GRID2IP: variants seen among roughly 807,000 people sequenced by gnomAD.
GRID2IP encodes Grid2 interacting protein, also known as delphilin.
Under a neutral mutation model 114.3 loss-of-function variants are expected in GRID2IP, and 78 were observed. The ratio of observed to expected loss-of-function variants is 0.68; its 90% CI spans 0.57 to 0.82. The LOEUF (loss-of-function observed/expected upper bound fraction) is 0.82, where lower values mean the gene tolerates loss of function less well. Among genes scored for constraint, GRID2IP ranks in the 40% least tolerant of loss-of-function variants. GRID2IP has a pLI of 0.00. For synonymous variants in GRID2IP, 809 were observed against 724.0 expected, an observed-to-expected ratio of 1.12 and a Z score of -1.89; for missense variants, 1,727 against 1,678.5, an observed-to-expected ratio of 1.03 and a Z score of -0.51.
In GRID2IP at chr7:6,534,191, A is replaced by AG. The variant is rs2115090711; in HGVS notation, c.584+5526dup. Among the ~76,000 whole-genome samples, 1 of 152,296 alleles carries AG rather than the reference A, an allele frequency of 6.6e-6. No homozygotes were observed. The highest frequency in any genetic ancestry group is 6.5e-5 in the Admixed American group (1 of 15,280). ...TGAACCTGCCTGAGATTGCACTGCC[A>AG]GTGAGTGGACCTGTATTCAAGCCGG... is the stretch of plus-strand genomic sequence containing the variant. On this transcript the variant is annotated intron_variant, in intron 2 of 21. Coordinates refer to ENST00000457091, the MANE Select transcript of GRID2IP (RefSeq NM_001145118.2). The surrounding 1 kb of genome is among the most constrained non-coding windows in gnomAD (Gnocchi z 4.5).
chr7:6,539,389 AGCAC>A (rs1228874236), intron 2 of GRID2IP, among the ~76,000 whole-genome samples: 6 of 151,994 alleles, frequency 3.9e-5, no homozygotes. Context: ...AGCCTCCCAA[AGCAC>A]GTGGATTACA....
At chr7:6,546,258 G>A (rs1464620055) in intron 1 of GRID2IP, among the ~76,000 whole-genome samples, 2 of 150,808 alleles carry the variant, frequency 1.3e-5, no homozygotes, top group Admixed American at 6.6e-5. Flanking sequence ...AGGAGTTTGC[G>A]ACTAGCTTGA....
Position 6,521,895 on chromosome 7 carries a change from C to G in GRID2IP, c.982G>C (p.Asp328His). 6.4e-7 allele frequency: 1 copy of G among 1,550,654 alleles called. No homozygotes were observed. Among genetic ancestry groups the G allele is most frequent in the Non-Finnish European group, 8.7e-7 (1 of 1,146,074 alleles). ...TCCCCAATAGCCTCTGACCTCATGT[C>G]CAGTCCATTGAGGAAGAGGATCCGG... is the stretch of plus-strand genomic sequence containing the variant. ...GDRILFLNGL[D>H]MRNCSHDKVV... The change falls in exon 5 of 22, where the codon GAC becomes CAC. Residue 328 changes from aspartate (D) to histidine (H), a missense_variant. Physicochemically the swap from Asp to His is moderately conservative, Grantham distance 81 (BLOSUM62 -1). Coordinates refer to ENST00000457091, the MANE Select transcript of GRID2IP (RefSeq NM_001145118.2). This position sits in a 1 kb window ranked among gnomAD's most constrained non-coding sequence, Gnocchi z 4.1.
At chr7:6,539,896 G>T in intron 1 of GRID2IP, 24 bp from the exon 2 acceptor site, 1 of 1,543,654 alleles carries the variant, frequency 6.5e-7, no homozygotes, top group South Asian at 1.2e-5. Context: ...TCCTGTGAAT[G>T]ACCAAAAGGG....
Position 6,506,374 on chromosome 7 carries a change from G to A in GRID2IP, c.2545-467C>T, listed in dbSNP as rs1344706200. Among the ~76,000 whole-genome samples the A allele has an allele frequency of 4.6e-5, 7 of 152,202 alleles. No homozygotes were observed. The highest frequency in any genetic ancestry group is 7.3e-5 in the Non-Finnish European group (5 of 68,040). The stretch of plus-strand genomic sequence containing the variant: ...CGCTGGACACGTGGCTGTGATGAAT[G>A]GCATAGATGAGAGGTAACAGCCTGG... On this transcript the variant is annotated intron_variant, in intron 13 of 21. Coordinates refer to ENST00000457091, the MANE Select transcript of GRID2IP (RefSeq NM_001145118.2). The surrounding 1 kb of genome is among the most constrained non-coding windows in gnomAD (Gnocchi z 5.2).
chr7:6,540,019 C>CCCTT (rs774009810), intron 1 of GRID2IP, 147 bp from the exon 2 acceptor site: 5 of 570,644 alleles, frequency 8.8e-6, no homozygotes, highest in Non-Finnish European at 1.5e-5. Flanking sequence ...CATATCATGC[C>CCCTT]CCTTCCTTCC....
chr7:6,512,864 C>G (rs1262942631), intron 8 of GRID2IP, among the ~76,000 whole-genome samples: 1 of 150,762 alleles, frequency 6.6e-6, no homozygotes, highest in Admixed American at 6.6e-5. Flanking sequence ...GTTGTGTTGC[C>G]CAAGCTGGAC....
At position 6,510,612 on chromosome 7, in the gene GRID2IP, C is replaced by G. The variant is rs755984441; in HGVS notation, c.1650G>C (p.Lys550Asn). The change falls in exon 10 of 22, where the codon AAG (lysine) becomes AAC (asparagine). Residue 550 changes from lysine (K) to asparagine (N), a missense_variant. Lys to Asn is a moderately conservative substitution (Grantham distance 94). Coordinates refer to ENST00000457091, the MANE Select transcript of GRID2IP (RefSeq NM_001145118.2). ...TGGAGGGCAGAGAAGGTCTCACCAT[C>G]TTGGGGTTGGGGGTCTCAGGGAGGG... ...GTSLPETPNPKMMSAVYAELE... is the reference protein window; with the variant it reads ...GTSLPETPNPNMMSAVYAELE... The G allele has an allele frequency of 2.6e-6, 4 of 1,535,404 alleles. No individual in the cohort carries two copies. The highest frequency in any genetic ancestry group is 2.4e-5 in the South Asian group (2 of 82,238).
Position 6,498,103 on chromosome 7 carries a change from A to C in GRID2IP, c.3525T>G (p.Ala1175=), listed in dbSNP as rs1383393224. The C allele has an allele frequency of 6.4e-7, 1 of 1,551,666 alleles. No homozygotes were observed. The highest frequency in any genetic ancestry group is 8.7e-7 in the Non-Finnish European group (1 of 1,146,954). The part of the protein sequence containing the change: ...GEDSKATTSE[A]FFGIFAEFMS... ...TGAACTCTGCAAAGATGCCGAAGAA[A>C]GCCTCAGAGGTGGTGGCCTTGGAAT... The change falls in exon 21 of 22, where the codon GCT becomes GCG. Residue 1175 remains alanine, a synonymous_variant. Transcript: ENST00000457091.
In GRID2IP at chr7:6,528,761, T is replaced by C. The variant is rs1317707440; in HGVS notation, c.585-1992A>G. ...GTGTGGATTCTCAGGGAGGAGGCTC[T>C]GTCCCCGCAGTGAGCTCCGCTCCAG... On this transcript the variant is annotated intron_variant, in intron 2 of 21. Coordinates refer to ENST00000457091, the MANE Select transcript of GRID2IP (RefSeq NM_001145118.2). This position sits in a 1 kb window ranked among gnomAD's most constrained non-coding sequence, Gnocchi z 6.0. Among the ~76,000 whole-genome samples, 2 of 151,830 alleles carry C rather than the reference T, an allele frequency of 1.3e-5. No homozygotes were observed. Among genetic ancestry groups the C allele is most frequent in the Non-Finnish European group, 2.9e-5 (2 of 67,956 alleles).
chr7:6,504,023 C>G (rs1295255052), intron 15 of GRID2IP, among the ~76,000 whole-genome samples: 2 of 145,376 alleles, frequency 1.4e-5, no homozygotes, highest in Non-Finnish European at 3.0e-5. Flanking sequence ...GCCCAGGATA[C>G]AGCGGGGAAT....
chr7:6,505,806 A>G lies in GRID2IP; in HGVS notation c.2632+14T>C, dbSNP rs753006089. 1.4e-5 allele frequency: 22 copies of G among 1,534,800 alleles called. No individual in the cohort carries two copies. In the South Asian group the frequency reaches 2.6e-4, roughly 18 times the overall value. ...TGGTATCTGGGGTTCCCCCAAGGCC[A>G]TCAGGCCACTCACTAGCAGGTTTCT... is the stretch of plus-strand genomic sequence containing the variant. On this transcript the variant is annotated intron_variant, in intron 14 of 21. Transcript: ENST00000457091.
intron 11 of GRID2IP, 21 bp downstream of exon 11, chr7:6,510,262 T>A (rs1162500103): frequency 5.4e-6 from 8 of 1,470,504 alleles, no homozygotes; most frequent in Non-Finnish European, 7.4e-6. Context: ...AGACAGTAGA[T>A]GACAGAGGCT....
rs1779720505 is a variant in GRID2IP at position 6,536,254 on chromosome 7, CG to C, written c.584+3463del. 6.6e-6 allele frequency among the ~76,000 whole-genome samples: 1 copy of C among 152,188 alleles called. No individual in the cohort carries two copies. The highest frequency in any genetic ancestry group is 1.5e-5 in the Non-Finnish European group (1 of 68,018). ...ATTCTCCTTGCGGAGCCCAGCTGGG[CG>C]CCGCCCCTTCCTCCAGCAGCCTCCC... On this transcript the variant is annotated intron_variant, in intron 2 of 21. Transcript: ENST00000457091. The surrounding 1 kb of genome is among the most constrained non-coding windows in gnomAD (Gnocchi z 5.3).
chr7:6,526,861 C>A lies in GRID2IP; in HGVS notation c.585-92G>T. ...AAGGCGCGTCCTCGCGGGCGCCGCC[C>A]TAGGCTCTCCCACCTCTTCCTAGGA... On this transcript the variant is annotated intron_variant, in intron 2 of 21. Coordinates refer to ENST00000457091, the MANE Select transcript of GRID2IP (RefSeq NM_001145118.2). This position sits in a 1 kb window ranked among gnomAD's most constrained non-coding sequence, Gnocchi z 7.6. The A allele has an allele frequency of 1.5e-6, 2 of 1,319,508 alleles. No individual in the cohort carries two copies. Among genetic ancestry groups the A allele is most frequent in the Non-Finnish European group, 2.0e-6 (2 of 1,022,084 alleles). 81.7% of individuals were successfully genotyped at this position (1,319,508 alleles called of 1,614,324 possible).
Position 6,526,660 on chromosome 7 carries a change from G to C in GRID2IP, c.694C>G (p.Arg232Gly), listed in dbSNP as rs910093641. 4.1e-6 allele frequency: 6 copies of C among 1,446,866 alleles called. No individual in the cohort carries two copies. The highest frequency in any genetic ancestry group is 1.5e-5 in the African/African-American group (1 of 66,668). The allele number at this position is 1,446,866 out of a possible 1,614,324, so 89.6% of individuals were successfully genotyped here. The change falls in exon 3 of 22, where the codon CGG becomes GGG. Residue 232 changes from arginine to glycine, a missense_variant. Arg to Gly is a moderately radical substitution (Grantham distance 125). Transcript: ENST00000457091. This position sits in a 1 kb window ranked among gnomAD's most constrained non-coding sequence, Gnocchi z 7.6. ...RRAQGAQRLR[R>G]SRSEERPERL... ...TCCGGCCGCTCCTCGCTGCGGCTCC[G>C]GCGCAGTCGCTGCGCGCCCTGGGCC...
intron 21 of GRID2IP, 68 bp from the exon 22 acceptor site, chr7:6,497,913 C>CT: frequency 7.0e-7 from 1 of 1,436,710 alleles, no homozygotes; most frequent in Non-Finnish European, 9.5e-7. Flanking sequence ...TTCCCTGTCT[C>CT]TTCCCACACT....
intron 1 of GRID2IP, among the ~76,000 whole-genome samples, chr7:6,550,250 C>T (rs1458887320): frequency 4.6e-5 from 7 of 152,060 alleles, no homozygotes; most frequent in Non-Finnish European, 1.0e-4. Context: ...ACCTTGGTCT[C>T]CTAAAATGCT....
rs974830355 is a variant in GRID2IP at position 6,551,182 on chromosome 7, G to A, written c.255C>T (p.Pro85=). 5 of 1,381,904 alleles carry A rather than the reference G, an allele frequency of 3.6e-6. No homozygotes were observed. The highest frequency in any genetic ancestry group is 1.5e-5 in the African/African-American group (1 of 65,200). The allele number at this position is 1,381,904 out of a possible 1,614,324, so 85.6% of individuals were successfully genotyped here. A position where few individuals can be genotyped will look rare whatever the true frequency, so the allele number is the denominator to read the frequency against. ...CGGATCCTGGGCCGGGGCCACCGTC[G>A]GGAGCCGGGAGCACGCCCAGACTGG... ...VPPSLGVLPA[P]DGGPGPGSGP... is the part of the protein sequence containing the mutation. The change falls in exon 1 of 22, where the codon CCC becomes CCT. Residue 85 remains proline, a synonymous_variant. Coordinates refer to ENST00000457091, the MANE Select transcript of GRID2IP (RefSeq NM_001145118.2).
Sources: gnomAD v4.1 joint callset for allele counts (sites outside exome capture counted in the v4.1 genomes callset) on GRCh38, gnomAD v4.1.1 for gene constraint, Gnocchi (gnomAD v3.1) non-coding constraint, MANE v1.5 for transcripts, NCBI Gene and HGNC (gene_info 2026-07-23, HGNC 2026-07-21) for gene names.